Variants in LRRC63 observed in about 807,000 individuals in gnomAD.
The protein encoded by LRRC63 is leucine-rich repeat-containing protein 63.
Under a neutral mutation model 49.5 loss-of-function variants are expected in LRRC63, and 40 were observed. That is an observed-to-expected ratio of 0.81 (90% CI 0.63 to 1.05). LRRC63 has a LOEUF of 1.05. LRRC63 is among the 50% of genes least tolerant of loss of function. The pLI is 0.00. For missense variants in LRRC63, 636 were observed against 663.1 expected (o/e 0.96, Z 0.45); for synonymous variants, 191 against 221.1 (o/e 0.86, Z 1.21).
chr13:46,264,397 G>A (rs2047654117), intron 8 of LRRC63, among the ~76,000 whole-genome samples: 1 of 151,882 alleles, frequency 6.6e-6, no homozygotes, highest in African/African-American at 2.4e-5. Context: ...GTCTTCCATG[G>A]TACCTAGATT....
At chr13:46,222,417 C>A (rs778225784) in intron 2 of LRRC63, among the ~76,000 whole-genome samples, 1 of 152,146 alleles carries the variant, frequency 6.6e-6, no homozygotes, top group Non-Finnish European at 1.5e-5. Context: ...ACTCTGTAAT[C>A]CATTTCGAGT....
chr13:46,228,590 T>C, intron 3 of LRRC63, 75 bp from the exon 4 acceptor site: 1 of 838,958 alleles, frequency 1.2e-6, no homozygotes, highest in Non-Finnish European at 2.0e-6. Flanking sequence ...TGAACAATTA[T>C]ATTGAAGTCA....
At chr13:46,233,938 A>T (rs567024728) in intron 4 of LRRC63, among the ~76,000 whole-genome samples, 2 of 152,346 alleles carry the variant, frequency 1.3e-5, no homozygotes, top group Admixed American at 6.5e-5. Context: ...TCTAGACAGA[A>T]ATCTATGAGC....
chr13:46,213,029 A>G, exon 2 of LRRC63: 1 of 1,540,846 alleles, frequency 6.5e-7, no homozygotes, highest in Non-Finnish European at 8.8e-7. Flanking sequence ...CTTATTATTC[A>G]TTAAAATGCA....
At chr13:46,256,679 A>T (rs942104322) in intron 7 of LRRC63, among the ~76,000 whole-genome samples, 5 of 152,220 alleles carry the variant, frequency 3.3e-5, no homozygotes, top group African/African-American at 1.2e-4. Context: ...CAAATGGAGA[A>T]AAGTTGTGCT....
At position 46,267,032 on chromosome 13, in the gene LRRC63, C is replaced by A; in HGVS notation, c.1550+60C>A. ...TACCTTTAAGCATTAAAATGTTCTT[C>A]ATTACAGGCTTAGATGACAGTGTCA... On this transcript the variant is annotated intron_variant, in intron 9 of 9. Transcript: ENST00000595396. The A allele has an allele frequency of 2.8e-6, 4 of 1,430,306 alleles. No homozygotes were observed. The South Asian group carries it at 6.0e-5, about 21-fold the overall frequency. 88.6% of individuals were successfully genotyped at this position (1,430,306 alleles called of 1,614,324 possible).
At chr13:46,274,071 CAGATAGACT>C (rs2047798307) in intron 9 of LRRC63, among the ~76,000 whole-genome samples, 2 of 152,070 alleles carry the variant, frequency 1.3e-5, no homozygotes, top group Non-Finnish European at 2.9e-5. Context: ...CAGTATGTCA[CAGATAGACT>C]AGTGCAGGGG....
intron 9 of LRRC63, among the ~76,000 whole-genome samples, chr13:46,273,305 A>T (rs1160615827): frequency 6.6e-6 from 1 of 152,162 alleles, no homozygotes; most frequent in Non-Finnish European, 1.5e-5. Context: ...AGAACAAAAC[A>T]TCCATAAAGG....
At chr13:46,240,150 G>A (rs547263276) in intron 5 of LRRC63, among the ~76,000 whole-genome samples, 41 of 143,128 alleles carry the variant, frequency 2.9e-4, no homozygotes, top group African/African-American at 9.9e-4. Context: ...TTTTTTTGAC[G>A]GAGTCTCGCT....
intron 5 of LRRC63, among the ~76,000 whole-genome samples, chr13:46,236,598 G>A (rs2046911431): frequency 6.6e-6 from 1 of 152,096 alleles, no homozygotes; most frequent in African/African-American, 2.4e-5. Context: ...AAACAAAGGA[G>A]TAATTAAGAC....
chr13:46,219,299 C>T (rs1417551933), intron 2 of LRRC63, among the ~76,000 whole-genome samples: 2 of 152,076 alleles, frequency 1.3e-5, no homozygotes, highest in Non-Finnish European at 2.9e-5. Context: ...TTTGTTCGTT[C>T]CTTTTCATTC....
chr13:46,266,783 A>G (rs1330237747), exon 9 of LRRC63: 1 of 1,549,978 alleles, frequency 6.5e-7, no homozygotes, highest in South Asian at 1.2e-5. Flanking sequence ...TTTTTCCCCC[A>G]TGGAATTTTG....
intron 8 of LRRC63, among the ~76,000 whole-genome samples, chr13:46,266,105 T>C (rs2047680962): frequency 1.3e-5 from 2 of 152,202 alleles, no homozygotes; most frequent in African/African-American, 4.8e-5. Flanking sequence ...TTTATGTGTC[T>C]CTCATGAACA....
chr13:46,233,079 TC>T (rs2046810798), intron 4 of LRRC63, among the ~76,000 whole-genome samples: 1 of 152,200 alleles, frequency 6.6e-6, no homozygotes, highest in Admixed American at 6.5e-5. Flanking sequence ...TAAATTAACT[TC>T]CGGGTGTCTT....
intron 5 of LRRC63, among the ~76,000 whole-genome samples, chr13:46,244,213 C>T (rs1306841806): frequency 1.3e-5 from 2 of 151,930 alleles, no homozygotes; most frequent in Non-Finnish European, 2.9e-5. Flanking sequence ...AACAGGAGTA[C>T]AAAAGGTTGG....
chr13:46,266,924 A>G (rs1006422846), exon 9 of LRRC63: 14 of 1,547,532 alleles, frequency 9.0e-6, no homozygotes, highest in Non-Finnish European at 1.1e-5. Flanking sequence ...AATAAACTAC[A>G]TAAATTTTAT....
At chr13:46,213,931 G>A (rs1406290917) in intron 2 of LRRC63, among the ~76,000 whole-genome samples, 1 of 152,074 alleles carries the variant, frequency 6.6e-6, no homozygotes, top group Non-Finnish European at 1.5e-5. Context: ...GACCTTACCT[G>A]TTCCCTTCAT....
At position 46,227,597 on chromosome 13, in the gene LRRC63, T is replaced by TGA; in HGVS notation, c.172_173dup (p.Asp58GlufsTer4). 6.5e-7 allele frequency: 1 copy of TGA among 1,550,004 alleles called. No homozygotes were observed. Among genetic ancestry groups the TGA allele is most frequent in the Non-Finnish European group, 8.7e-7 (1 of 1,146,604 alleles). On this transcript the variant is annotated frameshift_variant, in exon 3 of 10. Transcript: ENST00000595396. LOFTEE classifies it high-confidence loss of function. ...TTAAAATGGATAGAACTCGTTTTCC[T>TGA]GATGTTTTAAGAAATCAATCACTAA...
chr13:46,267,788 T>A (rs2047702833), intron 9 of LRRC63, among the ~76,000 whole-genome samples: 1 of 152,120 alleles, frequency 6.6e-6, no homozygotes, highest in Non-Finnish European at 1.5e-5. Context: ...AAGGCAGTAA[T>A]TTTTTTGAAG....
Sources: allele counts gnomAD v4.1 joint callset (sites outside exome capture counted in the v4.1 genomes callset), GRCh38; gene constraint gnomAD v4.1.1; transcripts MANE v1.5; gene names NCBI Gene and HGNC (gene_info 2026-07-23, HGNC 2026-07-21).